PDE1A: variants seen among roughly 807,000 people sequenced by gnomAD.
PDE1A encodes phosphodiesterase 1A, also known as dual specificity calcium/calmodulin-dependent 3',5'-cyclic nucleotide phosphodiesterase 1A.
In PDE1A, 35 loss-of-function variants were observed where a neutral mutation model predicts 61.7. The ratio of observed to expected loss-of-function variants is 0.57; its 90% CI spans 0.43 to 0.75. The LOEUF (loss-of-function observed/expected upper bound fraction) is 0.75. PDE1A is among the 30% of genes least tolerant of loss of function. The probability of loss-of-function intolerance (pLI) is 0.00; values close to 1 mark genes in which losing one functional copy is unlikely to be tolerated. For synonymous variants in PDE1A, 232 were observed against 213.2 expected (o/e 1.09, Z -0.77); for missense variants, 597 against 630.6 (o/e 0.95, Z 0.57).
At chr2:182,600,683 G>A in the PDE1A span, among the ~76,000 whole-genome samples, 1 of 152,210 alleles carries the variant, frequency 6.6e-6, no homozygotes, top group Non-Finnish European at 1.5e-5. Flanking sequence ...GCCCAGCCAT[G>A]CATTGAAATA....
the PDE1A span, among the ~76,000 whole-genome samples, chr2:182,649,809 C>T: frequency 4.6e-5 from 7 of 151,984 alleles, no homozygotes; most frequent in Non-Finnish European, 8.8e-5. Flanking sequence ...AGGGTTTCAC[C>T]ATCTTGGCCA....
chr2:182,581,762 AC>A, the PDE1A span, among the ~76,000 whole-genome samples: 1 of 152,192 alleles, frequency 6.6e-6, no homozygotes, highest in Admixed American at 6.5e-5. Context: ...CAGTGAAATA[AC>A]AGGGCTAGCA....
At chr2:182,176,058 A>G (rs1256279818) in intron 13 of PDE1A, among the ~76,000 whole-genome samples, 1 of 149,508 alleles carries the variant, frequency 6.7e-6, no homozygotes, top group Non-Finnish European at 1.5e-5. Context: ...CTGTTTTGGT[A>G]CCAGTACCAT....
chr2:182,196,746 T>C (rs934534005), intron 10 of PDE1A, among the ~76,000 whole-genome samples: 3 of 151,060 alleles, frequency 2.0e-5, no homozygotes, highest in Non-Finnish European at 4.5e-5. Context: ...GTCATTTGTA[T>C]CATTAGTCTA....
In PDE1A at chr2:182,338,876, CT is replaced by C. The variant is rs1374299772; in HGVS notation, c.54-74463del. 2.6e-5 allele frequency among the ~76,000 whole-genome samples: 4 copies of C among 152,226 alleles called. No individual in the cohort carries two copies. The East Asian group carries it at 7.7e-4, about 29-fold the overall frequency. On this transcript the variant is annotated intron_variant, in intron 1 of 13. Transcript: ENST00000351439. The stretch of plus-strand genomic sequence containing the variant: ...TTGAGATGACAGACAAGTAAGTCAT[CT>C]GTTTTATTTTGCCTGACTGCACCCA...
chr2:182,412,871 G>T (rs899394687), intron 1 of PDE1A, among the ~76,000 whole-genome samples: 2 of 152,182 alleles, frequency 1.3e-5, no homozygotes, highest in African/African-American at 4.8e-5. Context: ...AATATACTCA[G>T]AAATTCAGAG....
intron 1 of PDE1A, among the ~76,000 whole-genome samples, chr2:182,296,021 A>T (rs879866028): frequency 3.3e-5 from 5 of 152,328 alleles, no homozygotes; most frequent in Admixed American, 6.5e-5. Context: ...CTGAGTTCAC[A>T]ATTGGTTGAA....
Position 182,511,325 on chromosome 2 carries a change from G to A in PDE1A, c.101+10951C>T, listed in dbSNP as rs189698686. Among the ~76,000 whole-genome samples the A allele has an allele frequency of 4.7e-3, 709 of 152,104 alleles. 7 individuals carry two copies. Among genetic ancestry groups the A allele is most frequent in the Non-Finnish European group, 5.7e-3 (388 of 67,986 alleles). Reference sequence around the variant, plus strand: ...AGTGGACAGAGGAAACAGACCCTGAGCTGAAGAGAAAGGAGGCTGCGAATG... The same window carrying A: ...AGTGGACAGAGGAAACAGACCCTGAACTGAAGAGAAAGGAGGCTGCGAATG... On this transcript the variant is annotated intron_variant, in intron 2 of 14. Transcript: ENST00000410103.
chr2:182,152,709 C>T (rs912590656), intron 13 of PDE1A, among the ~76,000 whole-genome samples: 1 of 152,172 alleles, frequency 6.6e-6, no homozygotes, highest in Non-Finnish European at 1.5e-5. Flanking sequence ...GTGTGAGCCA[C>T]TGTGCCCAGC....
At chr2:182,266,760 G>T (rs1303358771) in intron 1 of PDE1A, among the ~76,000 whole-genome samples, 1 of 152,100 alleles carries the variant, frequency 6.6e-6, no homozygotes, top group Non-Finnish European at 1.5e-5. Flanking sequence ...CTTGCTGTCT[G>T]GAATGCAGCG....
chr2:182,678,523 T>C, the PDE1A span, among the ~76,000 whole-genome samples: 1 of 152,088 alleles, frequency 6.6e-6, no homozygotes, highest in South Asian at 2.1e-4. Flanking sequence ...ATAAAAATCA[T>C]ATTATATGGT....
chr2:182,284,988 C>A (rs745663898), intron 1 of PDE1A, among the ~76,000 whole-genome samples: 1 of 152,106 alleles, frequency 6.6e-6, no homozygotes, highest in African/African-American at 2.4e-5. Flanking sequence ...GCACTTTTAA[C>A]CAATGCACGA....
chr2:182,367,374 A>G (rs1028546483), intron 1 of PDE1A, among the ~76,000 whole-genome samples: 1 of 152,090 alleles, frequency 6.6e-6, no homozygotes, highest in Non-Finnish European at 1.5e-5. Context: ...TGATACACTC[A>G]GTAAATTTGC....
chr2:182,412,480 C>T (rs1223581140), intron 1 of PDE1A, among the ~76,000 whole-genome samples: 1 of 152,172 alleles, frequency 6.6e-6, no homozygotes, highest in Non-Finnish European at 1.5e-5. Flanking sequence ...GATACTAATG[C>T]CCATACTTCA....
chr2:182,356,404 T>C (rs1699181703), intron 1 of PDE1A, among the ~76,000 whole-genome samples: 1 of 152,216 alleles, frequency 6.6e-6, no homozygotes, highest in South Asian at 2.1e-4. Context: ...AGAATTTTTA[T>C]TAATGTCAAT....
the PDE1A span, among the ~76,000 whole-genome samples, chr2:182,648,523 A>C: frequency 6.7e-6 from 1 of 150,342 alleles, no homozygotes; most frequent in South Asian, 2.1e-4. Context: ...AAAAAAAAAA[A>C]AAAAAAAAAA....
At chr2:182,589,903 A>C in the PDE1A span, among the ~76,000 whole-genome samples, 1 of 152,238 alleles carries the variant, frequency 6.6e-6, no homozygotes, top group Non-Finnish European at 1.5e-5. Flanking sequence ...TTACTAGTAT[A>C]ATAATCAGCC....
Position 182,499,871 on chromosome 2 carries a change from T to C in PDE1A, c.101+22405A>G, listed in dbSNP as rs1317254131. 2.0e-5 allele frequency among the ~76,000 whole-genome samples: 3 copies of C among 152,264 alleles called. No individual in the cohort carries two copies. In the East Asian group the frequency reaches 5.8e-4, roughly 29 times the overall value. ...GAGATCCAGGAAACAGCAAACGCAA[T>C]TCATGAGAGTGCTGGAGGGATTTCC... On this transcript the variant is annotated intron_variant, in intron 2 of 14. Transcript: ENST00000410103.
At chr2:182,402,238 A>C (rs11681511) in intron 1 of PDE1A, among the ~76,000 whole-genome samples, 112,037 of 152,044 alleles carry the variant, frequency 0.74, 41,612 homozygotes, top group East Asian at 0.96. Flanking sequence ...GCAAAAAGAA[A>C]AAAGCTGGAG....
Sources: allele counts gnomAD v4.1 joint callset (sites outside exome capture counted in the v4.1 genomes callset), GRCh38; gene constraint gnomAD v4.1.1; transcripts MANE v1.5; gene names NCBI Gene and HGNC (gene_info 2026-07-23, HGNC 2026-07-21).